GPR139: variants seen among roughly 807,000 people sequenced by gnomAD.
GPR139 encodes probable G protein-coupled receptor 139.
GPR139 carries 12 observed loss-of-function variants against 25.8 expected under a neutral mutation model. That is an observed-to-expected ratio of 0.47 (90% confidence interval 0.30 to 0.75). GPR139 has a LOEUF of 0.75. Ranked by LOEUF, GPR139 falls within the 30% of genes least tolerant of loss-of-function variation. GPR139 has a pLI of 0.07. For missense variants in GPR139, 380 were observed against 450.2 expected (o/e 0.84, Z 1.41); for synonymous variants, 184 against 179.9 (o/e 1.02, Z -0.18).
At chr16:20,070,406 G>A (rs1265268332) in intron 1 of GPR139, among the ~76,000 whole-genome samples, 1 of 152,186 alleles carries the variant, frequency 6.6e-6, no homozygotes, top group African/African-American at 2.4e-5. Flanking sequence ...AGGTACTACT[G>A]TTGCCCCCAT....
chr16:20,069,164 T>C (rs1477802433), intron 1 of GPR139, among the ~76,000 whole-genome samples: 2 of 152,212 alleles, frequency 1.3e-5, no homozygotes, highest in East Asian at 3.8e-4. Context: ...TTTTAAATGA[T>C]GAAAAAATAA....
At chr16:20,057,370 A>G (rs72772753) in intron 1 of GPR139, among the ~76,000 whole-genome samples, 5,882 of 152,278 alleles carry the variant, frequency 0.039, 142 homozygotes, top group Non-Finnish European at 0.056. Flanking sequence ...CTTGGCTCAG[A>G]GTAAGTACTC....
chr16:20,051,257 G>A (rs537338398), intron 1 of GPR139, among the ~76,000 whole-genome samples: 15 of 152,142 alleles, frequency 9.9e-5, no homozygotes, highest in Non-Finnish European at 1.9e-4. Flanking sequence ...ACAAGAGACA[G>A]CAGAAATGCT....
intron 1 of GPR139, among the ~76,000 whole-genome samples, chr16:20,055,802 G>A (rs1427865616): frequency 6.6e-6 from 1 of 152,234 alleles, no homozygotes; most frequent in Non-Finnish European, 1.5e-5. Context: ...TCAGCAGATG[G>A]GAGCATAGGC....
At position 20,032,497 on chromosome 16, in the gene GPR139, G is replaced by A. The variant is rs982809076; in HGVS notation, c.300C>T (p.Pro100=). ...FILNMQMPQV[P]DKIIEVLEFS... ...ATTCCAGCACTTCTATGATCTTGTC[G>A]GGGACCTGAGGCATCTGCATGTTCA... Residue 100 remains proline, a synonymous_variant, in exon 2 of 2, where the codon CCC becomes CCT. Coordinates refer to ENST00000570682, the MANE Select transcript of GPR139 (RefSeq NM_001002911.4). 40 of 1,614,084 alleles carry A rather than the reference G, an allele frequency of 2.5e-5. No homozygotes were observed. The highest frequency in any genetic ancestry group is 2.9e-5 in the Non-Finnish European group (34 of 1,180,002).
intron 1 of GPR139, among the ~76,000 whole-genome samples, chr16:20,035,608 T>C (rs2608171): frequency 0.11 from 16,998 of 152,136 alleles, 1,667 homozygotes; most frequent in African/African-American, 0.26. Flanking sequence ...CGGAAGAAAA[T>C]GCATTAACTG....
chr16:20,041,120 GGA>G (rs2057328828), intron 1 of GPR139, among the ~76,000 whole-genome samples: 4 of 3,984 alleles, frequency 1.0e-3, no homozygotes, highest in African/African-American at 7.2e-3. Context: ...AGAAAGGAAA[GGA>G]AAGGAAAGGA....
intron 1 of GPR139, among the ~76,000 whole-genome samples, chr16:20,071,564 C>G (rs2057459421): frequency 6.6e-6 from 1 of 152,172 alleles, no homozygotes; most frequent in South Asian, 2.1e-4. Flanking sequence ...ACATCAACAA[C>G]AGCTAAATCC....
chr16:20,070,266 T>C (rs2057455197), intron 1 of GPR139, among the ~76,000 whole-genome samples: 1 of 152,176 alleles, frequency 6.6e-6, no homozygotes, highest in African/African-American at 2.4e-5. Flanking sequence ...AGTGTAATAA[T>C]ATAGGTGACA....
chr16:20,056,076 C>T (rs2057387651), intron 1 of GPR139, among the ~76,000 whole-genome samples: 1 of 152,174 alleles, frequency 6.6e-6, no homozygotes, highest in Admixed American at 6.5e-5. Context: ...ATGTTTCAGC[C>T]ATGGATACTG....
At chr16:20,044,648 G>A (rs2057347665) in intron 1 of GPR139, among the ~76,000 whole-genome samples, 2 of 152,106 alleles carry the variant, frequency 1.3e-5, no homozygotes, top group South Asian at 4.2e-4. Context: ...TATCGTATTA[G>A]GCACTGAGCT....
At chr16:20,038,174 T>C (rs1055677609) in intron 1 of GPR139, among the ~76,000 whole-genome samples, 6 of 151,772 alleles carry the variant, frequency 4.0e-5, no homozygotes, top group Admixed American at 6.6e-5. Flanking sequence ...AACCTCTTTT[T>C]CCCCCCCATC....
chr16:20,040,624 C>T (rs923979999), intron 1 of GPR139, among the ~76,000 whole-genome samples: 1 of 152,048 alleles, frequency 6.6e-6, no homozygotes, highest in Non-Finnish European at 1.5e-5. Flanking sequence ...AAGTAGAAAT[C>T]CTGGTTTAAA....
intron 1 of GPR139, among the ~76,000 whole-genome samples, chr16:20,039,789 C>T (rs2057323825): frequency 6.6e-6 from 1 of 152,142 alleles, no homozygotes; most frequent in Non-Finnish European, 1.5e-5. Flanking sequence ...TGTCAAAACC[C>T]CGTCTTCCAT....
At chr16:20,033,537 C>G (rs565210057) in intron 1 of GPR139, among the ~76,000 whole-genome samples, 4 of 152,104 alleles carry the variant, frequency 2.6e-5, no homozygotes, top group Middle Eastern at 3.2e-3. Flanking sequence ...AGGAAAGAGA[C>G]GGGACTATAT....
At chr16:20,058,645 T>C (rs543266694) in intron 1 of GPR139, among the ~76,000 whole-genome samples, 2 of 152,312 alleles carry the variant, frequency 1.3e-5, no homozygotes, top group Admixed American at 1.3e-4. Context: ...CATTATTCCC[T>C]TTTCCCTGCT....
At chr16:20,044,080 A>G (rs545837181) in intron 1 of GPR139, among the ~76,000 whole-genome samples, 47 of 152,348 alleles carry the variant, frequency 3.1e-4, no homozygotes, top group Non-Finnish European at 6.5e-4. Context: ...AGAATTGTGC[A>G]CACAGACCTC....
At chr16:20,066,436 A>G (rs2141215192) in intron 1 of GPR139, among the ~76,000 whole-genome samples, 1 of 152,316 alleles carries the variant, frequency 6.6e-6, no homozygotes, top group East Asian at 1.9e-4. Flanking sequence ...AGGGGGACAA[A>G]TTCCCTAGGC....
At position 20,043,085 on chromosome 16, in the gene GPR139, T is replaced by G. The variant is rs758562436; in HGVS notation, c.128-10416A>C. Among the ~76,000 whole-genome samples, 28 of 152,220 alleles carry G rather than the reference T, an allele frequency of 1.8e-4. 1 individual carries two copies. In the South Asian group the frequency reaches 3.1e-3, roughly 17 times the overall value. ...AACAGTTGAGACCGAGCAAGTCTCC[T>G]CCTTGCTGATGAGTAGGCAGCAAGA... On this transcript the variant is annotated intron_variant, in intron 1 of 1. Transcript: ENST00000570682.
Sources: allele counts gnomAD v4.1 joint callset (sites outside exome capture counted in the v4.1 genomes callset), GRCh38; gene constraint gnomAD v4.1.1; transcripts MANE v1.5; gene names NCBI Gene and HGNC (gene_info 2026-07-23, HGNC 2026-07-21).